Variants in EVX1 observed in about 807,000 individuals in gnomAD.
EVX1 encodes even-skipped homeobox 1.
A neutral mutation model predicts 28.6 loss-of-function variants in EVX1; 19 were observed. That is an observed-to-expected ratio of 0.67 (90% CI 0.46 to 0.98). The LOEUF (loss-of-function observed/expected upper bound fraction) is 0.98. Ranked by LOEUF, EVX1 falls within the 50% of genes least tolerant of loss-of-function variation. The probability of loss-of-function intolerance (pLI) is 0.00; values close to 1 mark genes in which losing one functional copy is unlikely to be tolerated. For missense variants in EVX1, 660 were observed against 583.0 expected (o/e 1.13, Z -1.36); for synonymous variants, 324 against 278.2 (o/e 1.16, Z -1.64).
rs773458280 is a variant in EVX1 at position 27,247,809 on chromosome 7, G to C, written c.*1384G>C. On this transcript the variant is annotated 3_prime_UTR_variant, in exon 3 of 3. Transcript: ENST00000496902. ...ATTCGTTAACCATATTGCAATAAAA[G>C]CTGGACATAATTCTCACTTTACATT... The C allele has an allele frequency of 2.6e-5, 4 of 152,238 alleles. No homozygotes were observed. The highest frequency in any genetic ancestry group is 5.9e-5 in the Non-Finnish European group (4 of 68,046). The allele number at this position is 152,238 out of a possible 1,614,324, so 9.4% of individuals were successfully genotyped here. A position where few individuals can be genotyped will look rare whatever the true frequency, so the allele number is the denominator to read the frequency against.
Position 27,243,258 on chromosome 7 carries a change from C to A in EVX1, c.228C>A (p.Ser76Arg). The A allele has an allele frequency of 1.3e-6, 2 of 1,543,600 alleles. No individual in the cohort carries two copies. The highest frequency in any genetic ancestry group is 1.7e-6 in the Non-Finnish European group (2 of 1,144,932). The part of the protein sequence containing the change: ...EEEPVDGLAG[S>R]AAGPGAEPQV... ...AGCCGGTAGATGGACTCGCAGGCAG[C>A]GCGGCGGGGCCGGGCGCCGAGCCCC... is the stretch of plus-strand genomic sequence containing the variant. Residue 76 changes from serine (S) to arginine (R), a missense_variant, in exon 1 of 3, where the codon AGC (serine) becomes AGA (arginine). Ser to Arg is a moderately radical substitution (Grantham distance 110). Around this residue, in one of 3 missense-constraint regions of EVX1, gnomAD observed 308 missense variants for 256.6 expected, o/e 1.20. Transcript: ENST00000496902.
chr7:27,244,113 G>T (rs1052548625), intron 1 of EVX1, among the ~76,000 whole-genome samples: 1 of 152,246 alleles, frequency 6.6e-6, no homozygotes, highest in African/African-American at 2.4e-5. Flanking sequence ...CAAAGGAAAA[G>T]GAGCTGCAGG....
chr7:27,246,110 G>T lies in EVX1; in HGVS notation c.909G>T (p.Ser303=), dbSNP rs201423153. The T allele has an allele frequency of 4.2e-3, 6,472 of 1,544,056 alleles. 23 individuals carry two copies. The highest frequency in any genetic ancestry group is 5.0e-3 in the Non-Finnish European group (5,775 of 1,154,828). ...ASAAASPFSG[S]LRPLDTFRVL... is the part of the protein sequence containing the mutation. ...CCGCCGCCTCGCCCTTCAGCGGCTC[G>T]CTGCGCCCGCTCGACACGTTCCGCG... The change falls in exon 3 of 3, where the codon TCG becomes TCT. Residue 303 remains serine, a synonymous_variant. Transcript: ENST00000496902.
At chr7:27,243,543 C>T (rs1783086363) in intron 1 of EVX1, 86 bp downstream of exon 1, 2 of 1,414,814 alleles carry the variant, frequency 1.4e-6, no homozygotes, top group South Asian at 1.4e-5. Context: ...ACACTCCCTT[C>T]CCCTAGGGCA....
In EVX1 at chr7:27,246,513, G is replaced by C; in HGVS notation, c.*88G>C. 2 of 1,341,204 alleles carry C rather than the reference G, an allele frequency of 1.5e-6. No homozygotes were observed. Among genetic ancestry groups the C allele is most frequent in the Non-Finnish European group, 2.0e-6 (2 of 984,552 alleles). The allele number at this position is 1,341,204 out of a possible 1,614,324, so 83.1% of individuals were successfully genotyped here. A position where few individuals can be genotyped will look rare whatever the true frequency, so the allele number is the denominator to read the frequency against. On this transcript the variant is annotated 3_prime_UTR_variant, in exon 3 of 3. Coordinates refer to ENST00000496902, the MANE Select transcript of EVX1 (RefSeq NM_001989.5). Reference sequence around the variant, plus strand: ...CAGCCAGCCTCGCTCCTCGCTCCTCGCTCCTCGCCCCTAGGACGCCAAGGG... The same window carrying C: ...CAGCCAGCCTCGCTCCTCGCTCCTCCCTCCTCGCCCCTAGGACGCCAAGGG...
intron 1 of EVX1, chr7:27,244,396 G>C: frequency 1.5e-6 from 1 of 646,378 alleles, no homozygotes; most frequent in Non-Finnish European, 1.9e-6. Context: ...ACCACCCCCT[G>C]GTCTTGGCAG....
intron 1 of EVX1, among the ~76,000 whole-genome samples, chr7:27,244,680 C>T (rs1783121029): frequency 6.6e-6 from 1 of 152,200 alleles, no homozygotes. Context: ...GAGTTTACAA[C>T]CCTCTAGCAC....
At position 27,245,991 on chromosome 7, in the gene EVX1, G is replaced by C; in HGVS notation, c.790G>C (p.Ala264Pro). 6.2e-7 allele frequency: 1 copy of C among 1,602,018 alleles called. No homozygotes were observed. Among genetic ancestry groups the C allele is most frequent in the South Asian group, 1.1e-5 (1 of 91,044 alleles). ...AFYTYMMSHA[A>P]AAGGLPYPFP... The stretch of plus-strand genomic sequence containing the variant: ...CTACACTTACATGATGAGCCATGCG[G>C]CGGCCGCGGGCGGCCTGCCCTACCC... Residue 264 changes from alanine (A) to proline (P), a missense_variant, in exon 3 of 3, where the codon GCG (alanine) becomes CCG (proline). Transcript: ENST00000496902.
At position 27,246,629 on chromosome 7, in the gene EVX1, A is replaced by C. The variant is rs1783201066; in HGVS notation, c.*204A>C. On this transcript the variant is annotated 3_prime_UTR_variant, in exon 3 of 3. Transcript: ENST00000496902. ...GCGGTGGCTGGCGCGTTTGGGGAGC[A>C]GGAGTGGGGATAGGGAAGCAGAGCT... The C allele has an allele frequency of 1.7e-6, 1 of 595,174 alleles. No individual in the cohort carries two copies. The highest frequency in any genetic ancestry group is 2.0e-5 in the African/African-American group (1 of 50,674). 36.9% of individuals were successfully genotyped at this position (595,174 alleles called of 1,614,324 possible).
rs1167928405 is a variant in EVX1, at chr7:27,247,390, C to T, written c.*965C>T. 3 of 152,210 alleles carry T rather than the reference C, an allele frequency of 2.0e-5. No homozygotes were observed. The highest frequency in any genetic ancestry group is 6.5e-5 in the Admixed American group (1 of 15,284). The allele number at this position is 152,210 out of a possible 1,614,324, so 9.4% of individuals were successfully genotyped here. On this transcript the variant is annotated 3_prime_UTR_variant, in exon 3 of 3. Transcript: ENST00000496902. ...GAGTGGGAACTTCACCTCCCTCTCTCGGTATCTGGCGGTAAATTAGAGGCA... is the reference window on the plus strand; with the variant it reads ...GAGTGGGAACTTCACCTCCCTCTCTTGGTATCTGGCGGTAAATTAGAGGCA...
Position 27,245,908 on chromosome 7 carries a change from T to A in EVX1, c.707T>A (p.Met236Lys). ...CAGGTGTGGTTCCAGAACCGGCGCA[T>A]GAAGGACAAGCGGCAGCGCCTGGCC... is the stretch of plus-strand genomic sequence containing the variant. ...TIKVWFQNRR[M>K]KDKRQRLAMT... Residue 236 changes from methionine to lysine, a missense_variant, in exon 3 of 3, where the codon ATG becomes AAG. Around this residue, in one of 3 missense-constraint regions of EVX1, gnomAD observed 53 missense variants for 85.1 expected, o/e 0.62. Transcript: ENST00000496902. 6.2e-7 allele frequency: 1 copy of A among 1,612,022 alleles called. No homozygotes were observed. The highest frequency in any genetic ancestry group is 8.5e-7 in the Non-Finnish European group (1 of 1,179,816).
intron 1 of EVX1, chr7:27,244,370 G>A: frequency 2.9e-6 from 1 of 345,378 alleles, no homozygotes; most frequent in Non-Finnish European, 4.1e-6. Flanking sequence ...AGAGCCTGGG[G>A]GCGGGGGGGA....
intron 1 of EVX1, among the ~76,000 whole-genome samples, chr7:27,244,796 C>T (rs1046937214): frequency 2.0e-5 from 3 of 152,206 alleles, no homozygotes; most frequent in Admixed American, 6.5e-5. Flanking sequence ...GGCTGGGAAC[C>T]CCTGTACCCA....
At chr7:27,244,739 A>G (rs752018157) in intron 1 of EVX1, among the ~76,000 whole-genome samples, 2 of 152,216 alleles carry the variant, frequency 1.3e-5, no homozygotes, top group Admixed American at 6.5e-5. Flanking sequence ...CGCCCTGCCA[A>G]CGGGAGGCAG....
In EVX1 at chr7:27,246,064, G is replaced by GCGCCGCATCCGCCGCCTCCGC. The variant is rs1783170835; in HGVS notation, c.870_890dup (p.Ala292_Ser298dup). 8 of 1,582,480 alleles carry GCGCCGCATCCGCCGCCTCCGC rather than the reference G, an allele frequency of 5.1e-6. No homozygotes were observed. The East Asian group carries it at 1.8e-4, about 36-fold the overall frequency. On this transcript the variant is annotated inframe_insertion, in exon 3 of 3. Transcript: ENST00000496902. Reference sequence around the variant, plus strand: ...CCCTACTACTCGCCGGTGGGCCTGGGCGCCGCATCCGCCGCCTCCGCCGCC... The same window carrying GCGCCGCATCCGCCGCCTCCGC: ...CCCTACTACTCGCCGGTGGGCCTGGGCGCCGCATCCGCCGCCTCCGCCGCCGCATCCGCCGCCTCCGCCGCC...
At position 27,246,356 on chromosome 7, in the gene EVX1, G is replaced by C; in HGVS notation, c.1155G>C (p.Ala385=). ...GCTCGGACTCCTTCCTCACCTTCGC[G>C]CCCTCGGTGCTCAGCAAGGCCTCCT... ...TSRSDSFLTF[A]PSVLSKASSV... The change falls in exon 3 of 3, where the codon GCG becomes GCC. Residue 385 remains alanine, a synonymous_variant. Coordinates refer to ENST00000496902, the MANE Select transcript of EVX1 (RefSeq NM_001989.5). The C allele has an allele frequency of 6.2e-7, 1 of 1,602,190 alleles. No individual in the cohort carries two copies. The highest frequency in any genetic ancestry group is 8.5e-7 in the Non-Finnish European group (1 of 1,178,652).
chr7:27,243,311 C>G lies in EVX1; in HGVS notation c.281C>G (p.Pro94Arg). The G allele has an allele frequency of 6.3e-7, 1 of 1,574,896 alleles. No homozygotes were observed. Among genetic ancestry groups the G allele is most frequent in the Non-Finnish European group, 8.6e-7 (1 of 1,161,876 alleles). The stretch of plus-strand genomic sequence containing the variant: ...GTAGCTGGGGCGGCCATGCTCGGCC[C>G]AGGACCCCCGGCCCCCTCAGTCGAC... Reference protein sequence around the residue: ...PQVAGAAMLGPGPPAPSVDSL... With the variant: ...PQVAGAAMLGRGPPAPSVDSL... Residue 94 changes from proline to arginine, a missense_variant, in exon 1 of 3, where the codon CCA becomes CGA. Coordinates refer to ENST00000496902, the MANE Select transcript of EVX1 (RefSeq NM_001989.5).
chr7:27,246,035 C>A lies in EVX1; in HGVS notation c.834C>A (p.Pro278=), dbSNP rs761750320. The stretch of plus-strand genomic sequence containing the variant: ...CCTACCCCTTCCCATCGCACCTGCC[C>A]CTGCCCTACTACTCGCCGGTGGGCC... The part of the protein sequence containing the change: ...GLPYPFPSHL[P]LPYYSPVGLG... Residue 278 remains proline (P), a synonymous_variant, in exon 3 of 3, where the codon CCC becomes CCA. Coordinates refer to ENST00000496902, the MANE Select transcript of EVX1 (RefSeq NM_001989.5). 6.3e-7 allele frequency: 1 copy of A among 1,595,464 alleles called. No homozygotes were observed. Among genetic ancestry groups the A allele is most frequent in the East Asian group, 2.3e-5 (1 of 44,434 alleles).
At position 27,242,977 on chromosome 7, in the gene EVX1, C is replaced by T; in HGVS notation, c.-54C>T. On this transcript the variant is annotated 5_prime_UTR_variant, in exon 1 of 3. Coordinates refer to ENST00000496902, the MANE Select transcript of EVX1 (RefSeq NM_001989.5). ...GTCCGGCCGCTGGAGACCCAGGGAG[C>T]CGGGGTTAGGAACTCACTTGGGGCT... 1 of 1,439,456 alleles carries T rather than the reference C, an allele frequency of 6.9e-7. No homozygotes were observed. Among genetic ancestry groups the T allele is most frequent in the Admixed American group, 2.8e-5 (1 of 35,316 alleles). The allele number at this position is 1,439,456 out of a possible 1,614,324, so 89.2% of individuals were successfully genotyped here. A position where few individuals can be genotyped will look rare whatever the true frequency, so the allele number is the denominator to read the frequency against.
Sources: gnomAD v4.1 joint callset for allele counts (sites outside exome capture counted in the v4.1 genomes callset) on GRCh38, gnomAD v4.1.1 for gene constraint, gnomAD v4.1.1 regional missense constraint, MANE v1.5 for transcripts, NCBI Gene and HGNC (gene_info 2026-07-23, HGNC 2026-07-21) for gene names.